PRKG1: variants seen among roughly 807,000 people sequenced by gnomAD.
The protein encoded by PRKG1 is cGMP-dependent protein kinase 1.
In PRKG1, 35 loss-of-function variants were observed where a neutral mutation model predicts 88.1. That is an observed-to-expected ratio of 0.40 (90% CI 0.30 to 0.53). The LOEUF (loss-of-function observed/expected upper bound fraction) is 0.53, where lower values mean the gene tolerates loss of function less well. Ranked by LOEUF, PRKG1 falls within the 20% of genes least tolerant of loss-of-function variation. The pLI, the probability that PRKG1 is intolerant of heterozygous loss-of-function variation, is 0.59. For missense variants in PRKG1, 540 were observed against 839.8 expected (o/e 0.64, Z 4.41); for synonymous variants, 303 against 292.5 (o/e 1.04, Z -0.37).
intron 2 of PRKG1, among the ~76,000 whole-genome samples, chr10:51,158,469 G>A (rs1010544024): frequency 6.6e-6 from 1 of 151,930 alleles, no homozygotes; most frequent in African/African-American, 2.4e-5. Flanking sequence ...TTTAAACCAT[G>A]AGATTAAAAA....
intron 2 of PRKG1, among the ~76,000 whole-genome samples, chr10:51,392,634 A>G (rs1209024238): frequency 2.6e-5 from 4 of 151,006 alleles, no homozygotes; most frequent in African/African-American, 7.3e-5. Context: ...CGCGTTCTCA[A>G]TGAGCTGTTG....
intron 2 of PRKG1, among the ~76,000 whole-genome samples, chr10:51,436,245 G>C (rs560978361): frequency 1.3e-5 from 2 of 149,944 alleles, no homozygotes; most frequent in Admixed American, 1.3e-4. Context: ...TGCTGTCGTT[G>C]ATCAGTGGTA....
intron 5 of PRKG1, among the ~76,000 whole-genome samples, chr10:52,006,840 CA>C (rs1223672989): frequency 6.6e-6 from 1 of 152,014 alleles, no homozygotes; most frequent in African/African-American, 2.4e-5. Context: ...TCTCTAAGGT[CA>C]AAATGCAAGA....
chr10:51,264,744 A>G (rs909817303), intron 2 of PRKG1, among the ~76,000 whole-genome samples: 67 of 152,200 alleles, frequency 4.4e-4, no homozygotes, highest in African/African-American at 1.5e-3. Context: ...AAACAAAATC[A>G]AAGAGAACCA....
intron 2 of PRKG1, among the ~76,000 whole-genome samples, chr10:51,230,411 T>G (rs1838812483): frequency 6.6e-6 from 1 of 152,184 alleles, no homozygotes; most frequent in Non-Finnish European, 1.5e-5. Context: ...ATACTTTTAC[T>G]TACTGTTGGT....
At chr10:51,871,709 G>A (rs1227692220) in intron 4 of PRKG1, among the ~76,000 whole-genome samples, 1 of 152,170 alleles carries the variant, frequency 6.6e-6, no homozygotes, top group African/African-American at 2.4e-5. Flanking sequence ...GTGGGAAGAG[G>A]AGTTACCTGA....
chr10:51,405,477 A>G (rs1837882996), intron 2 of PRKG1, among the ~76,000 whole-genome samples: 2 of 152,228 alleles, frequency 1.3e-5, no homozygotes, highest in South Asian at 2.1e-4. Flanking sequence ...GGATCTCCAC[A>G]CCGTGAATGT....
chr10:51,086,619 A>G (rs1844255278), intron 1 of PRKG1, among the ~76,000 whole-genome samples: 1 of 152,198 alleles, frequency 6.6e-6, no homozygotes, highest in Admixed American at 6.6e-5. Context: ...ACCCCCTTAG[A>G]AAATGGAGAA....
chr10:52,015,540 G>A (rs1258827745), intron 5 of PRKG1, among the ~76,000 whole-genome samples: 1 of 152,124 alleles, frequency 6.6e-6, no homozygotes, highest in Non-Finnish European at 1.5e-5. Context: ...TTTTTCCATT[G>A]TCTTGGCTAT....
At chr10:52,095,364 T>A (rs989434831) in intron 7 of PRKG1, among the ~76,000 whole-genome samples, 1 of 152,208 alleles carries the variant, frequency 6.6e-6, no homozygotes, top group Admixed American at 6.5e-5. Context: ...AGTGCCCTTA[T>A]CCCTAATTAT....
chr10:52,146,435 G>T (rs1441365623), intron 8 of PRKG1, among the ~76,000 whole-genome samples: 2 of 152,094 alleles, frequency 1.3e-5, no homozygotes, highest in Non-Finnish European at 2.9e-5. Flanking sequence ...ATAGATGCTA[G>T]ATGTACTATA....
chr10:51,667,795 C>T (rs1226951848), intron 3 of PRKG1, among the ~76,000 whole-genome samples: 3 of 152,150 alleles, frequency 2.0e-5, no homozygotes, highest in Non-Finnish European at 4.4e-5. Context: ...GCTCAGGCAT[C>T]ATTTGTCTTT....
intron 2 of PRKG1, among the ~76,000 whole-genome samples, chr10:51,390,874 C>A (rs1268656447): frequency 8.0e-6 from 1 of 124,692 alleles, no homozygotes; most frequent in African/African-American, 2.5e-5. Context: ...TGGTGCTAAA[C>A]ATCCAACAAT....
chr10:51,536,566 T>C (rs1842155755), intron 3 of PRKG1, among the ~76,000 whole-genome samples: 1 of 152,164 alleles, frequency 6.6e-6, no homozygotes, highest in Admixed American at 6.5e-5. Context: ...ATTTTTGTTT[T>C]TGTTGCAATT....
chr10:51,594,218 G>A lies in PRKG1; in HGVS notation c.592+126382G>A, dbSNP rs111874442. On this transcript the variant is annotated intron_variant, in intron 3 of 17. Transcript: ENST00000373980. Reference sequence around the variant, plus strand: ...TTTTAATTTTTAATTTTGTAGAGATGGGGTCTTGTATATTGCTCAGGCTGA... The same window carrying A: ...TTTTAATTTTTAATTTTGTAGAGATAGGGTCTTGTATATTGCTCAGGCTGA... 2.1e-3 allele frequency among the ~76,000 whole-genome samples: 312 copies of A among 152,100 alleles called. 2 individuals carry two copies. Among genetic ancestry groups the A allele is most frequent in the African/African-American group, 7.0e-3 (291 of 41,482 alleles).
chr10:51,566,747 A>G (rs1837615448), intron 3 of PRKG1, among the ~76,000 whole-genome samples: 3 of 152,084 alleles, frequency 2.0e-5, no homozygotes, highest in Non-Finnish European at 1.5e-5. Flanking sequence ...GAGGACCCAC[A>G]GGAGGTATTC....
intron 3 of PRKG1, among the ~76,000 whole-genome samples, chr10:51,686,101 C>T (rs1840982833): frequency 1.3e-5 from 2 of 152,090 alleles, no homozygotes; most frequent in Non-Finnish European, 2.9e-5. Flanking sequence ...CCGGAATAAT[C>T]CAGCTTGAAT....
intron 1 of PRKG1, among the ~76,000 whole-genome samples, chr10:51,118,110 T>C (rs1053674096): frequency 2.6e-5 from 4 of 152,086 alleles, no homozygotes; most frequent in African/African-American, 9.7e-5. Flanking sequence ...CTGAGAGTCT[T>C]TGAGGTTCTA....
intron 8 of PRKG1, among the ~76,000 whole-genome samples, chr10:52,156,113 A>G (rs766341738): frequency 3.7e-4 from 57 of 152,102 alleles, no homozygotes; most frequent in Non-Finnish European, 7.1e-4. Flanking sequence ...ACAGGGGGAT[A>G]TTATTACAAA....
Sources: allele counts gnomAD v4.1 joint callset (sites outside exome capture counted in the v4.1 genomes callset), GRCh38; gene constraint gnomAD v4.1.1; transcripts MANE v1.5; gene names NCBI Gene and HGNC (gene_info 2026-07-23, HGNC 2026-07-21).